The following NKAIN3 variants were observed in gnomAD, a reference collection of about 807,000 sequenced individuals.
NKAIN3 encodes the protein sodium/potassium transporting ATPase interacting 3.
In NKAIN3, 25 loss-of-function variants were observed where a neutral mutation model predicts 30.2. The observed-to-expected ratio is 0.83, with a 90% CI of 0.60 to 1.16. The LOEUF (loss-of-function observed/expected upper bound fraction) is 1.16, where lower values mean the gene tolerates loss of function less well. Ranked by LOEUF, NKAIN3 falls within the 50% of genes most tolerant of loss-of-function variation. NKAIN3 has a pLI of 0.00. For missense variants in NKAIN3, 225 were observed against 254.1 expected, an observed-to-expected ratio of 0.89 and a Z score of 0.78; for synonymous variants, 91 against 89.6, an observed-to-expected ratio of 1.02 and a Z score of -0.09.
chr8:62,803,387 A>G (rs1339784671), intron 4 of NKAIN3, among the ~76,000 whole-genome samples: 4 of 152,200 alleles, frequency 2.6e-5, no homozygotes, highest in African/African-American at 4.8e-5. Context: ...CAGCAAATGT[A>G]AAAAAACAGA....
At chr8:62,792,825 T>C (rs919601132) in intron 4 of NKAIN3, among the ~76,000 whole-genome samples, 4 of 152,236 alleles carry the variant, frequency 2.6e-5, no homozygotes, top group African/African-American at 9.6e-5. Context: ...TTTATGAAGA[T>C]GTAAAACAAC....
chr8:62,651,491 C>T (rs1812616984), intron 3 of NKAIN3, among the ~76,000 whole-genome samples: 1 of 152,218 alleles, frequency 6.6e-6, no homozygotes. Flanking sequence ...AACAAAATAC[C>T]AGAAACTGCA....
chr8:62,452,497 T>C (rs71513478), intron 1 of NKAIN3, among the ~76,000 whole-genome samples: 27,401 of 150,230 alleles, frequency 0.18, 2,621 homozygotes, highest in African/African-American at 0.21. Context: ...AATAAATAAA[T>C]AAACAAACAA....
At position 62,971,629 on chromosome 8, in the gene NKAIN3, T is replaced by C. The variant is rs1378504817; in HGVS notation, c.*6222T>C. Among the ~76,000 whole-genome samples the C allele has an allele frequency of 1.4e-5, 2 of 142,504 alleles. No homozygotes were observed. The highest frequency in any genetic ancestry group is 2.5e-5 in the African/African-American group (1 of 39,274). The allele number at this position is 142,504 out of a possible 152,430, so 93.5% of individuals were successfully genotyped here. ...ACCTGGGAGATGGAGCCAAACCTTG[T>C]CTCAAAAAAAAAGCGGGGGGGGCTT... On this transcript the variant is annotated 3_prime_UTR_variant, in exon 7 of 7. Transcript: ENST00000623646.
rs1823893574 is a variant in NKAIN3 at position 62,974,147 on chromosome 8, G to A, written c.*8740G>A. ...TGCTTAGGATTGTTTTGGCTATATGGGCTCTTTTTGGTTCCCTATGAAATT... is the reference window on the plus strand; with the variant it reads ...TGCTTAGGATTGTTTTGGCTATATGAGCTCTTTTTGGTTCCCTATGAAATT... On this transcript the variant is annotated 3_prime_UTR_variant, in exon 7 of 7. Transcript: ENST00000623646. Among the ~76,000 whole-genome samples, 1 of 151,984 alleles carries A rather than the reference G, an allele frequency of 6.6e-6. No homozygotes were observed. Among genetic ancestry groups the A allele is most frequent in the Non-Finnish European group, 1.5e-5 (1 of 68,000 alleles).
chr8:62,519,105 T>G (rs2129775832), intron 1 of NKAIN3, among the ~76,000 whole-genome samples: 1 of 152,274 alleles, frequency 6.6e-6, no homozygotes, highest in East Asian at 1.9e-4. Flanking sequence ...AAAAAAGAAG[T>G]TGGAGACACA....
intron 1 of NKAIN3, among the ~76,000 whole-genome samples, chr8:62,321,789 A>C (rs959260982): frequency 3.2e-4 from 49 of 152,270 alleles, no homozygotes; most frequent in African/African-American, 1.1e-3. Context: ...GACCCACTTG[A>C]GGAGGCAGTC....
At chr8:62,708,414 T>G (rs1308444902) in intron 3 of NKAIN3, among the ~76,000 whole-genome samples, 1 of 152,142 alleles carries the variant, frequency 6.6e-6, no homozygotes, top group African/African-American at 2.4e-5. Flanking sequence ...CAGTGTTTTG[T>G]AATTTTCTTC....
chr8:62,782,361 A>G (rs1385714905), intron 4 of NKAIN3, among the ~76,000 whole-genome samples: 1 of 152,078 alleles, frequency 6.6e-6, no homozygotes, highest in Non-Finnish European at 1.5e-5. Context: ...AGCAGTATGT[A>G]GATTTCTTAA....
chr8:62,311,389 A>G (rs976558914), intron 1 of NKAIN3, among the ~76,000 whole-genome samples: 2 of 150,396 alleles, frequency 1.3e-5, no homozygotes, highest in East Asian at 3.9e-4. Context: ...AAAGGCAGGC[A>G]TTATGGGACC....
chr8:62,408,841 C>G (rs1219773218), intron 1 of NKAIN3, among the ~76,000 whole-genome samples: 1 of 152,086 alleles, frequency 6.6e-6, no homozygotes, highest in African/African-American at 2.4e-5. Context: ...TCTAACTTTG[C>G]TTTAAAAACT....
chr8:62,407,307 A>G (rs1804102482), intron 1 of NKAIN3, among the ~76,000 whole-genome samples: 1 of 151,138 alleles, frequency 6.6e-6, no homozygotes, highest in Admixed American at 6.6e-5. Flanking sequence ...ATATACTTGC[A>G]TGCTTTTTTT....
chr8:62,670,672 G>A (rs1813271433), intron 3 of NKAIN3, among the ~76,000 whole-genome samples: 1 of 152,164 alleles, frequency 6.6e-6, no homozygotes, highest in African/African-American at 2.4e-5. Context: ...GTGCTCACTA[G>A]AGAAGGTAAA....
intron 3 of NKAIN3, among the ~76,000 whole-genome samples, chr8:62,623,416 C>T (rs1811682565): frequency 6.6e-6 from 1 of 151,988 alleles, no homozygotes; most frequent in Admixed American, 6.6e-5. Flanking sequence ...AGAATAATTC[C>T]TCTATCCCAT....
At chr8:62,523,275 G>A (rs1444465105) in intron 1 of NKAIN3, among the ~76,000 whole-genome samples, 7 of 152,082 alleles carry the variant, frequency 4.6e-5, no homozygotes, top group Non-Finnish European at 8.8e-5. Context: ...ATACCATCTA[G>A]GTTTGTGTAA....
intron 4 of NKAIN3, among the ~76,000 whole-genome samples, chr8:62,760,840 A>G (rs1563550103): frequency 1.3e-5 from 2 of 152,126 alleles, no homozygotes; most frequent in South Asian, 4.1e-4. Context: ...TAATTAAAAA[A>G]TAGTTTAATT....
chr8:62,469,549 G>A (rs975626625), intron 1 of NKAIN3, among the ~76,000 whole-genome samples: 5 of 152,082 alleles, frequency 3.3e-5, no homozygotes, highest in African/African-American at 1.2e-4. Flanking sequence ...GTCAAGACTG[G>A]CGCCCAATAA....
At chr8:62,299,687 T>C (rs888780965) in intron 1 of NKAIN3, among the ~76,000 whole-genome samples, 2 of 152,128 alleles carry the variant, frequency 1.3e-5, no homozygotes, top group Non-Finnish European at 2.9e-5. Flanking sequence ...TCTCTGTGTA[T>C]TACCCCAAAT....
At chr8:62,506,525 A>T in intron 1 of NKAIN3, among the ~76,000 whole-genome samples, 1 of 124,406 alleles carries the variant, frequency 8.0e-6, no homozygotes, top group South Asian at 2.5e-4. Flanking sequence ...CCCAGGCTGG[A>T]GTGCAGTGGT....
Sources: gnomAD v4.1 joint callset for allele counts (sites outside exome capture counted in the v4.1 genomes callset) on GRCh38, gnomAD v4.1.1 for gene constraint, MANE v1.5 for transcripts, NCBI Gene and HGNC (gene_info 2026-07-23, HGNC 2026-07-21) for gene names.